NOTCH2: variants seen among roughly 807,000 people sequenced by gnomAD.
The protein encoded by NOTCH2 is neurogenic locus notch homolog protein 2.
In NOTCH2, 29 loss-of-function variants were observed where a neutral mutation model predicts 235.8. That is an observed-to-expected ratio of 0.12 (90% CI 0.09 to 0.17). NOTCH2 has a LOEUF of 0.17. NOTCH2 is among the 10% of genes least tolerant of loss of function. The pLI is 1.00. For missense variants in NOTCH2, 2,285 were observed against 3,150.2 expected (o/e 0.73, Z 6.57); for synonymous variants, 1,086 against 1,141.5 (o/e 0.95, Z 0.98).
chr1:120,012,706 A>G (rs1553207176), intron 2 of NOTCH2, among the ~76,000 whole-genome samples: 1 of 152,198 alleles, frequency 6.6e-6, no homozygotes, highest in Non-Finnish European at 1.5e-5. Flanking sequence ...GAATCTAGCA[A>G]TTTCCCCAGT....
At chr1:120,000,258 G>T (rs61787013) in intron 3 of NOTCH2, among the ~76,000 whole-genome samples, 1 of 151,618 alleles carries the variant, frequency 6.6e-6, no homozygotes. Flanking sequence ...AGAATCGGCC[G>T]GGTGTGGTGG....
rs1650637518 is a variant in NOTCH2, at chr1:119,955,163, T to C, written c.2096A>G (p.Asn699Ser). The C allele has an allele frequency of 1.2e-6, 2 of 1,614,172 alleles. No homozygotes were observed. The highest frequency in any genetic ancestry group is 2.2e-5 in the East Asian group (1 of 44,880). ...NPCRKGATCI[N>S]GVNGFRCICP... The stretch of plus-strand genomic sequence containing the variant: ...TATACAGCGGAAACCATTCACACCG[T>C]TGATACATGTTGCACCCTTGCGACA... Residue 699 changes from asparagine (N) to serine (S), a missense_variant, in exon 13 of 34, where the codon AAC becomes AGC. Physicochemically the swap from Asn to Ser is conservative, Grantham distance 46. Transcript: ENST00000256646.
intron 9 of NOTCH2, 62 bp downstream of exon 9, chr1:119,966,302 CTCCCTGCTCTCT>C (rs1268568032): frequency 3.5e-5 from 34 of 966,840 alleles, no homozygotes; most frequent in Non-Finnish European, 5.4e-5. Context: ...CACACATTCT[CTCCCTGCTCTCT>C]TCCCTGTGGT....
At chr1:119,921,257 C>A (rs190257756) in intron 29 of NOTCH2, among the ~76,000 whole-genome samples, 4 of 152,306 alleles carry the variant, frequency 2.6e-5, no homozygotes, top group Non-Finnish European at 5.9e-5. Context: ...GTTTCCTGGG[C>A]TCAAGGTATG....
At chr1:119,935,703 C>T in intron 21 of NOTCH2, 99 bp from the exon 22 acceptor site, 9 of 1,306,374 alleles carry the variant, frequency 6.9e-6, no homozygotes, top group South Asian at 1.2e-5. Context: ...GACTGTCTCC[C>T]ACCTCCTAAT....
chr1:119,928,917 T>G, intron 23 of NOTCH2, 59 bp downstream of exon 23: 1 of 1,438,878 alleles, frequency 6.9e-7, no homozygotes, highest in Non-Finnish European at 9.8e-7. Context: ...CAGGGCCCAA[T>G]TTGTTCACTA....
At chr1:119,967,207 G>A (rs930682440) in intron 8 of NOTCH2, among the ~76,000 whole-genome samples, 1 of 152,092 alleles carries the variant, frequency 6.6e-6, no homozygotes, top group Non-Finnish European at 1.5e-5. Context: ...GATATAACAG[G>A]CTTGTTTAAT....
intron 5 of NOTCH2, among the ~76,000 whole-genome samples, chr1:119,975,187 G>A (rs782675684): frequency 6.6e-6 from 1 of 152,124 alleles, no homozygotes; most frequent in Non-Finnish European, 1.5e-5. Flanking sequence ...AGGGATGTAG[G>A]GAAAGAGGAA....
chr1:120,058,302 G>A (rs1288625840), intron 1 of NOTCH2, among the ~76,000 whole-genome samples: 3 of 151,548 alleles, frequency 2.0e-5, no homozygotes, highest in Non-Finnish European at 4.4e-5. Context: ...TCAGGAGTAC[G>A]AGACCAGCCT....
chr1:119,941,766 C>A lies in NOTCH2; in HGVS notation c.2753-12G>T, dbSNP rs1553196502. 34 of 1,588,254 alleles carry A rather than the reference C, an allele frequency of 2.1e-5. No homozygotes were observed. The highest frequency in any genetic ancestry group is 2.9e-5 in the Non-Finnish European group (34 of 1,156,750). ...ATTCTGGCAAGGATCTAAGCCATTACAAAAGAATTAGACCTCTGAAGAGTA... is the reference window on the plus strand; with the variant it reads ...ATTCTGGCAAGGATCTAAGCCATTAAAAAAGAATTAGACCTCTGAAGAGTA... On this transcript the variant is annotated splice_polypyrimidine_tract_variant and intron_variant, in intron 17 of 33. Transcript: ENST00000256646.
At chr1:119,948,981 T>TG (rs1289754491) in intron 16 of NOTCH2, 26 bp downstream of exon 16, 2 of 1,614,172 alleles carry the variant, frequency 1.2e-6, no homozygotes, top group African/African-American at 2.7e-5. Flanking sequence ...TGCATGTTCT[T>TG]GGCTTCTCCA....
intron 9 of NOTCH2, among the ~76,000 whole-genome samples, chr1:119,965,922 A>G (rs781922732): frequency 3.3e-5 from 5 of 152,144 alleles, no homozygotes; most frequent in Non-Finnish European, 5.9e-5. Flanking sequence ...ACAATTTGGC[A>G]TATCTTCAAA....
chr1:120,005,150 C>T, intron 3 of NOTCH2, 179 bp downstream of exon 3: 1 of 849,152 alleles, frequency 1.2e-6, no homozygotes, highest in Non-Finnish European at 1.9e-6. Flanking sequence ...TCTCTGCCCC[C>T]TGAAACTCTT....
At chr1:120,069,009 G>A (rs782742446) in intron 1 of NOTCH2, 8 of 1,308,264 alleles carry the variant, frequency 6.1e-6, no homozygotes, top group South Asian at 2.5e-5. Context: ...GGAACCTGAA[G>A]GGCAAAACTG....
intron 5 of NOTCH2, among the ~76,000 whole-genome samples, chr1:119,982,999 T>C (rs1651869908): frequency 6.6e-6 from 1 of 152,178 alleles, no homozygotes; most frequent in Non-Finnish European, 1.5e-5. Flanking sequence ...AGTAATGCTG[T>C]CCAACTGAAA....
At chr1:119,959,573 C>A in intron 11 of NOTCH2, 71 bp from the exon 12 acceptor site, 1 of 856,670 alleles carries the variant, frequency 1.2e-6, no homozygotes, top group Admixed American at 1.7e-5. Flanking sequence ...GCTTGTGATG[C>A]AGCAACGTGG....
Position 119,915,197 on chromosome 1 carries a change from T to C in NOTCH2, c.*109A>G. 8.5e-7 allele frequency: 1 copy of C among 1,171,888 alleles called. No individual in the cohort carries two copies. Among genetic ancestry groups the C allele is most frequent in the Non-Finnish European group, 1.3e-6 (1 of 790,934 alleles). The allele number at this position is 1,171,888 out of a possible 1,614,324, so 72.6% of individuals were successfully genotyped here. A position where few individuals can be genotyped will look rare whatever the true frequency, so the allele number is the denominator to read the frequency against. ...AAGAACATCTTCTCTTTCCTACCTC[T>C]AGAAGCTGGCTCCAGAGATTTCTTC... On this transcript the variant is annotated 3_prime_UTR_variant, in exon 34 of 34. Transcript: ENST00000256646.
intron 2 of NOTCH2, among the ~76,000 whole-genome samples, chr1:120,010,771 C>T (rs587680587): frequency 1.3e-5 from 2 of 152,190 alleles, no homozygotes; most frequent in Admixed American, 1.3e-4. Flanking sequence ...TTCTGCCTCC[C>T]TTCCTAGGTA....
rs1651181037 is a variant in NOTCH2, at chr1:119,967,348, T to A, written c.1453+85A>T. 3.3e-6 allele frequency: 4 copies of A among 1,200,106 alleles called. No homozygotes were observed. The Admixed American group carries it at 5.0e-5, about 15-fold the overall frequency. 74.3% of individuals were successfully genotyped at this position (1,200,106 alleles called of 1,614,324 possible). A position where few individuals can be genotyped will look rare whatever the true frequency, so the allele number is the denominator to read the frequency against. On this transcript the variant is annotated intron_variant, in intron 8 of 33. Transcript: ENST00000256646. Reference sequence around the variant, plus strand: ...CAAATGCTGACAGAGCTCATCAGACTGCAATAGTATACTGAATGCTCTACC... The same window carrying A: ...CAAATGCTGACAGAGCTCATCAGACAGCAATAGTATACTGAATGCTCTACC...
Sources: allele counts gnomAD v4.1 joint callset (sites outside exome capture counted in the v4.1 genomes callset), GRCh38; gene constraint gnomAD v4.1.1; transcripts MANE v1.5; gene names NCBI Gene and HGNC (gene_info 2026-07-23, HGNC 2026-07-21).